The following SKAP1 variants were observed in gnomAD, a reference collection of about 807,000 sequenced individuals.
SKAP1 encodes src kinase associated phosphoprotein 1.
SKAP1 carries 44 observed loss-of-function variants against 58.5 expected under a neutral mutation model. The ratio of observed to expected loss-of-function variants is 0.75; its 90% CI spans 0.59 to 0.97. The LOEUF is 0.97. Ranked by LOEUF, SKAP1 falls within the 50% of genes least tolerant of loss-of-function variation. The pLI is 0.00. For missense variants in SKAP1, 390 were observed against 435.2 expected (o/e 0.90, Z 0.92); for synonymous variants, 127 against 149.7 (o/e 0.85, Z 1.11).
intron 11 of SKAP1, among the ~76,000 whole-genome samples, chr17:48,153,904 A>G (rs1056705823): frequency 1.6e-4 from 24 of 152,004 alleles, no homozygotes; most frequent in Non-Finnish European, 2.9e-4. Context: ...TAAAAAAAAA[A>G]AAAAAAAGAA....
intron 4 of SKAP1, among the ~76,000 whole-genome samples, chr17:48,294,838 G>A (rs2065944281): frequency 6.6e-6 from 1 of 152,134 alleles, no homozygotes; most frequent in East Asian, 1.9e-4. Context: ...TCAATATATA[G>A]TAGCAACAGT....
upstream of SKAP1, among the ~76,000 whole-genome samples, chr17:48,433,687 C>A (rs1232589342): frequency 6.6e-6 from 1 of 152,130 alleles, no homozygotes; most frequent in Non-Finnish European, 1.5e-5. Context: ...ATAAGGGGAT[C>A]TAAAGAGATG....
Position 48,430,154 on chromosome 17 carries a change from G to T in SKAP1, c.-34C>A, listed in dbSNP as rs1035114965. ...GCGGGAGAGAGGCGGGACGGGGCGC[G>T]GGCCCTGGTCGGGAGGCGGACGGGC... is the stretch of plus-strand genomic sequence containing the variant. On this transcript the variant is annotated 5_prime_UTR_variant, in exon 1 of 13. Transcript: ENST00000336915. The T allele has an allele frequency of 7.0e-5, 88 of 1,252,752 alleles. No homozygotes were observed. The highest frequency in any genetic ancestry group is 8.7e-5 in the Non-Finnish European group (86 of 991,278). The allele number at this position is 1,252,752 out of a possible 1,614,324, so 77.6% of individuals were successfully genotyped here.
intron 2 of SKAP1, among the ~76,000 whole-genome samples, chr17:48,374,389 T>C (rs1217566556): frequency 6.6e-6 from 1 of 152,174 alleles, no homozygotes; most frequent in Non-Finnish European, 1.5e-5. Context: ...ATGCATAGGC[T>C]GTCTGCAATA....
intron 4 of SKAP1, among the ~76,000 whole-genome samples, chr17:48,328,282 CTTA>C: frequency 6.6e-6 from 1 of 152,250 alleles, no homozygotes; most frequent in East Asian, 1.9e-4. Context: ...GACAGCATTA[CTTA>C]TTATCAGGGG....
intron 1 of SKAP1, among the ~76,000 whole-genome samples, chr17:48,407,561 A>G (rs2144570383): frequency 6.6e-6 from 1 of 152,276 alleles, no homozygotes; most frequent in Admixed American, 6.5e-5. Flanking sequence ...CATAAGCCTT[A>G]AAAATAGCGG....
intron 4 of SKAP1, among the ~76,000 whole-genome samples, chr17:48,237,311 T>C (rs1313322672): frequency 6.6e-6 from 1 of 152,248 alleles, no homozygotes; most frequent in Non-Finnish European, 1.5e-5. Context: ...TAACTTGTGT[T>C]CTTCCTATTT....
intron 4 of SKAP1, among the ~76,000 whole-genome samples, chr17:48,226,167 C>T (rs1366084143): frequency 6.6e-6 from 1 of 152,204 alleles, no homozygotes; most frequent in East Asian, 1.9e-4. Context: ...CCCAAATAAA[C>T]TGACCCACCT....
chr17:48,269,459 C>G (rs1408014807), intron 4 of SKAP1, among the ~76,000 whole-genome samples: 3 of 152,172 alleles, frequency 2.0e-5, no homozygotes, highest in African/African-American at 7.2e-5. Flanking sequence ...CTTCAGGAAG[C>G]TGACCCTGAG....
At chr17:48,278,460 C>A (rs919042276) in intron 4 of SKAP1, among the ~76,000 whole-genome samples, 1 of 152,132 alleles carries the variant, frequency 6.6e-6, no homozygotes, top group Non-Finnish European at 1.5e-5. Context: ...TCTAGTACAA[C>A]AACAGTTCAA....
chr17:48,241,065 C>T (rs183092344), intron 4 of SKAP1, among the ~76,000 whole-genome samples: 49 of 152,126 alleles, frequency 3.2e-4, no homozygotes, highest in Admixed American at 9.8e-4. Context: ...ATTAGTTCCA[C>T]CTTATATATT....
At chr17:48,150,752 G>C (rs2063892252) in intron 11 of SKAP1, among the ~76,000 whole-genome samples, 3 of 152,348 alleles carry the variant, frequency 2.0e-5, no homozygotes, top group Admixed American at 2.0e-4. Flanking sequence ...CCACAAAGTA[G>C]AGCGAGCAAG....
chr17:48,405,505 C>CTTTT lies in SKAP1; in HGVS notation c.47-8724_47-8721dup, dbSNP rs548488852. On this transcript the variant is annotated intron_variant, in intron 1 of 12. Transcript: ENST00000336915. Reference sequence around the variant, plus strand: ...TTCTTTTCTTTTCTTTCCTTTCTTTCTTTTTTTTTTTTTTGAGACAGAGTT... The same window carrying CTTTT: ...TTCTTTTCTTTTCTTTCCTTTCTTTCTTTTTTTTTTTTTTTTTTGAGACAGAGTT... Among the ~76,000 whole-genome samples, 26 of 90,880 alleles carry CTTTT rather than the reference C, an allele frequency of 2.9e-4. 1 individual carries two copies. The South Asian group carries it at 8.4e-3, about 29-fold the overall frequency. 59.6% of individuals were successfully genotyped at this position (90,880 alleles called of 152,430 possible). A position where few individuals can be genotyped will look rare whatever the true frequency, so the allele number is the denominator to read the frequency against.
chr17:48,243,510 AG>A (rs2065263306), intron 4 of SKAP1, among the ~76,000 whole-genome samples: 1 of 152,146 alleles, frequency 6.6e-6, no homozygotes, highest in Non-Finnish European at 1.5e-5. Context: ...GTTTTTGCAA[AG>A]GGGAAAAAAA....
At chr17:48,398,453 T>C (rs1338231154) in intron 1 of SKAP1, among the ~76,000 whole-genome samples, 3 of 152,128 alleles carry the variant, frequency 2.0e-5, no homozygotes, top group African/African-American at 7.2e-5. Context: ...AATTTTTTCA[T>C]TATATATTAC....
intron 4 of SKAP1, among the ~76,000 whole-genome samples, chr17:48,250,090 T>C (rs1229071959): frequency 6.6e-6 from 1 of 151,298 alleles, no homozygotes; most frequent in Admixed American, 6.6e-5. Context: ...CTTTCCCTAA[T>C]ATTTACATCT....
At chr17:48,392,212 T>C (rs2067357955) in intron 2 of SKAP1, among the ~76,000 whole-genome samples, 1 of 152,180 alleles carries the variant, frequency 6.6e-6, no homozygotes, top group African/African-American at 2.4e-5. Flanking sequence ...AAGTCAGAAT[T>C]ATTTTTATGA....
intron 4 of SKAP1, among the ~76,000 whole-genome samples, chr17:48,266,447 T>C (rs2065550581): frequency 6.6e-6 from 1 of 152,106 alleles, no homozygotes; most frequent in Non-Finnish European, 1.5e-5. Context: ...AAATCAAGGC[T>C]GTGGCTGGAA....
intron 11 of SKAP1, among the ~76,000 whole-genome samples, chr17:48,149,569 G>A (rs1311694630): frequency 2.0e-5 from 3 of 152,152 alleles, no homozygotes; most frequent in Non-Finnish European, 2.9e-5. Flanking sequence ...CATGACAACC[G>A]CTTATAGCTT....
Sources: allele counts gnomAD v4.1 joint callset (sites outside exome capture counted in the v4.1 genomes callset), GRCh38; gene constraint gnomAD v4.1.1; transcripts MANE v1.5; gene names NCBI Gene and HGNC (gene_info 2026-07-23, HGNC 2026-07-21).